Variants in ZNF530 observed in about 807,000 individuals in gnomAD.
ZNF530 encodes the protein zinc finger protein 530.
A neutral mutation model predicts 2.8 loss-of-function variants in ZNF530; 5 were observed. The ratio of observed to expected loss-of-function variants is 1.80; its 90% CI spans 0.94 to 3.78. The LOEUF (loss-of-function observed/expected upper bound fraction) is 3.78, where lower values mean the gene tolerates loss of function less well. Ranked by LOEUF, ZNF530 falls within the 30% of genes most tolerant of loss-of-function variation. The pLI is 0.00. For synonymous variants in ZNF530, 229 were observed against 235.0 expected, an observed-to-expected ratio of 0.97 and a Z score of 0.23; for missense variants, 619 against 673.3, an observed-to-expected ratio of 0.92 and a Z score of 0.89.
chr19:57,606,372 A>C lies in ZNF530; in HGVS notation c.748A>C (p.Thr250Pro). 6.2e-7 allele frequency: 1 copy of C among 1,614,196 alleles called. No individual in the cohort carries two copies. The highest frequency in any genetic ancestry group is 8.5e-7 in the Non-Finnish European group (1 of 1,180,030). ...GKSFSRKTHL[T>P]QHQRVHTGER... Reference sequence around the variant, plus strand: ...ATCATTTAGTCGCAAAACTCACCTAACTCAACACCAAAGAGTTCACACTGG... The same window carrying C: ...ATCATTTAGTCGCAAAACTCACCTACCTCAACACCAAAGAGTTCACACTGG... The change falls in exon 4 of 4, where the codon ACT becomes CCT. Residue 250 changes from threonine to proline, a missense_variant. Coordinates refer to ENST00000597700, the MANE Select transcript of ZNF530 (RefSeq NM_001321981.2).
Position 57,607,333 on chromosome 19 carries a change from A to G in ZNF530, c.*8A>G. ...AGAGTTCATGTGCAGTGAATGTGGG[A>G]AATTATTTTGTCACTTTTTTTTTTT... On this transcript the variant is annotated 3_prime_UTR_variant, in exon 4 of 4. Coordinates refer to ENST00000597700, the MANE Select transcript of ZNF530 (RefSeq NM_001321981.2). 6.4e-7 allele frequency: 1 copy of G among 1,556,740 alleles called. No individual in the cohort carries two copies. Among genetic ancestry groups the G allele is most frequent in the Non-Finnish European group, 8.6e-7 (1 of 1,157,836 alleles).
chr19:57,606,751 G>A lies in ZNF530; in HGVS notation c.1127G>A (p.Cys376Tyr). 1 of 1,613,952 alleles carries A rather than the reference G, an allele frequency of 6.2e-7. No individual in the cohort carries two copies. The highest frequency in any genetic ancestry group is 1.3e-5 in the African/African-American group (1 of 74,930). The change falls in exon 4 of 4, where the codon TGC (cysteine) becomes TAC (tyrosine). Residue 376 changes from cysteine (C) to tyrosine (Y), a missense_variant. Cys to Tyr is a radical substitution (Grantham distance 194). Coordinates refer to ENST00000597700, the MANE Select transcript of ZNF530 (RefSeq NM_001321981.2). Reference sequence around the variant, plus strand: ...CACACTGGAGAAAGACCTTATGTGTGCAGTGAATGTGGGAAATCATTTGGC... The same window carrying A: ...CACACTGGAGAAAGACCTTATGTGTACAGTGAATGTGGGAAATCATTTGGC... Reference protein sequence around the residue: ...RFHTGERPYVCSECGKSFGQK... With the variant: ...RFHTGERPYVYSECGKSFGQK...
intron 2 of ZNF530, among the ~76,000 whole-genome samples, chr19:57,601,441 A>C (rs1431011842): frequency 6.6e-6 from 1 of 152,218 alleles, no homozygotes; most frequent in African/African-American, 2.4e-5. Flanking sequence ...GAAGCATAGA[A>C]GCTCCATCTA....
Position 57,607,205 on chromosome 19 carries a change from T to C in ZNF530, c.1581T>C (p.Asn527=), listed in dbSNP as rs149506794. 1 of 1,613,926 alleles carries C rather than the reference T, an allele frequency of 6.2e-7. No individual in the cohort carries two copies. Among genetic ancestry groups the C allele is most frequent in the Non-Finnish European group, 8.5e-7 (1 of 1,180,004 alleles). The change falls in exon 4 of 4, where the codon AAT becomes AAC. Residue 527 remains asparagine (N), a synonymous_variant. Coordinates refer to ENST00000597700, the MANE Select transcript of ZNF530 (RefSeq NM_001321981.2). ...RECGKSFTRK[N]HLIQHKTVHT... Reference sequence around the variant, plus strand: ...GTGGGAAATCTTTTACCCGCAAAAATCACCTCATTCAACACAAGACAGTTC... The same window carrying C: ...GTGGGAAATCTTTTACCCGCAAAAACCACCTCATTCAACACAAGACAGTTC...
downstream of ZNF530, among the ~76,000 whole-genome samples, chr19:57,612,079 C>A (rs1980897066): frequency 6.6e-6 from 1 of 152,212 alleles, no homozygotes; most frequent in Non-Finnish European, 1.5e-5. Context: ...CTGTACTTCC[C>A]ATTTCTAGGG....
Position 57,600,045 on chromosome 19 carries a change from C to A in ZNF530, c.-211C>A, listed in dbSNP as rs1182927301. The A allele has an allele frequency of 1.3e-6, 2 of 1,489,868 alleles. No individual in the cohort carries two copies. Among genetic ancestry groups the A allele is most frequent in the South Asian group, 1.3e-5 (1 of 78,798 alleles). The allele number at this position is 1,489,868 out of a possible 1,614,324, so 92.3% of individuals were successfully genotyped here. On this transcript the variant is annotated 5_prime_UTR_variant, in exon 1 of 4. Coordinates refer to ENST00000597700, the MANE Select transcript of ZNF530 (RefSeq NM_001321981.2). ...TGACGGTCGCCGGCGGTGGTGACAG[C>A]TTTGCTCTTGTCTCCGCCCGGATCG...
In ZNF530 at chr19:57,599,948, C is replaced by G. The variant is rs530991711; in HGVS notation, c.-308C>G. Reference sequence around the variant, plus strand: ...TTGTGTCAGTTCCATCCGCGGGTGCCGGATCTGGACCTAGGTGCTGACAGC... The same window carrying G: ...TTGTGTCAGTTCCATCCGCGGGTGCGGGATCTGGACCTAGGTGCTGACAGC... On this transcript the variant is annotated 5_prime_UTR_variant, in exon 1 of 4. Coordinates refer to ENST00000597700, the MANE Select transcript of ZNF530 (RefSeq NM_001321981.2). 1 of 801,062 alleles carries G rather than the reference C, an allele frequency of 1.2e-6. No individual in the cohort carries two copies. The highest frequency in any genetic ancestry group is 1.7e-5 in the African/African-American group (1 of 57,392). 49.6% of individuals were successfully genotyped at this position (801,062 alleles called of 1,614,324 possible). A position where few individuals can be genotyped will look rare whatever the true frequency, so the allele number is the denominator to read the frequency against.
intron 3 of ZNF530, chr19:57,604,783 T>C (rs1980416384): frequency 5.4e-6 from 1 of 183,802 alleles, no homozygotes; most frequent in East Asian, 1.7e-4. Context: ...TGTTAACTAC[T>C]TAACTGGTCC....
downstream of ZNF530, chr19:57,612,431 T>C (rs796386402): frequency 7.0e-5 from 28 of 400,364 alleles, 1 homozygote; most frequent in African/African-American, 5.5e-4. Context: ...ATAAGCATAA[T>C]ACTACAGCAT....
In ZNF530 at chr19:57,608,600, GC is replaced by G. The variant is rs1980720986; in HGVS notation, c.*1278del. 6.6e-6 allele frequency: 1 copy of G among 152,094 alleles called. No homozygotes were observed. The highest frequency in any genetic ancestry group is 2.4e-5 in the African/African-American group (1 of 41,396). 9.4% of individuals were successfully genotyped at this position (152,094 alleles called of 1,614,324 possible). On this transcript the variant is annotated 3_prime_UTR_variant, in exon 4 of 4. Coordinates refer to ENST00000597700, the MANE Select transcript of ZNF530 (RefSeq NM_001321981.2). The stretch of plus-strand genomic sequence containing the variant: ...TTGTTGAGTGAGGATATCACATAAT[GC>G]CCTGCAATGTTTAGAATCCCTTAAT...
At chr19:57,603,610 G>A (rs369436702) in intron 2 of ZNF530, among the ~76,000 whole-genome samples, 7 of 152,326 alleles carry the variant, frequency 4.6e-5, no homozygotes, top group Admixed American at 2.6e-4. Context: ...TGCAGTTACT[G>A]TTTAGTGCAG....
intron 3 of ZNF530, 125 bp downstream of exon 3, chr19:57,604,531 A>G: frequency 1.5e-6 from 2 of 1,349,040 alleles, no homozygotes; most frequent in Non-Finnish European, 2.0e-6. Flanking sequence ...TTCTTGGCAT[A>G]TGTATTCTGA....
Position 57,604,297 on chromosome 19 carries a change from G to A in ZNF530, c.-49G>A. The A allele has an allele frequency of 6.2e-7, 1 of 1,614,142 alleles. No individual in the cohort carries two copies. Among genetic ancestry groups the A allele is most frequent in the Non-Finnish European group, 8.5e-7 (1 of 1,180,010 alleles). On this transcript the variant is annotated 5_prime_UTR_variant, in exon 3 of 4. Transcript: ENST00000597700. ...CATAGCAGGTTTTTGTAGCCTTTGA[G>A]GATGTGGCCATTTACTTCTCCCAGG...
chr19:57,610,046 A>C lies in ZNF530; in HGVS notation c.*2721A>C, dbSNP rs1980812580. 6.6e-6 allele frequency among the ~76,000 whole-genome samples: 1 copy of C among 152,234 alleles called. No individual in the cohort carries two copies. The highest frequency in any genetic ancestry group is 1.5e-5 in the Non-Finnish European group (1 of 68,046). ...CCAAGATTGTTATTGCATCCATTAA[A>C]AAAAAATCAAGTTATAATTGATGTG... On this transcript the variant is annotated 3_prime_UTR_variant, in exon 4 of 4. Coordinates refer to ENST00000597700, the MANE Select transcript of ZNF530 (RefSeq NM_001321981.2).
At chr19:57,600,457 C>A (rs1980178080) in intron 1 of ZNF530, among the ~76,000 whole-genome samples, 1 of 152,234 alleles carries the variant, frequency 6.6e-6, no homozygotes, top group African/African-American at 2.4e-5. Flanking sequence ...GCGCGTAGGA[C>A]AGAAGAGGGG....
chr19:57,611,103 C>T (rs1414516440), downstream of ZNF530, among the ~76,000 whole-genome samples: 1 of 152,218 alleles, frequency 6.6e-6, no homozygotes, highest in Admixed American at 6.5e-5. Flanking sequence ...CAAGCCAATA[C>T]TTTCCCTGCA....
chr19:57,605,592 A>G, intron 3 of ZNF530, 94 bp from the exon 4 acceptor site: 1 of 1,323,630 alleles, frequency 7.6e-7, no homozygotes, highest in African/African-American at 1.5e-5. Flanking sequence ...TATCCTAAAA[A>G]CATTTTCTTA....
At chr19:57,603,226 G>GC (rs1980332948) in intron 2 of ZNF530, among the ~76,000 whole-genome samples, 7 of 152,176 alleles carry the variant, frequency 4.6e-5, no homozygotes, top group Admixed American at 4.6e-4. Context: ...ATTCACTATT[G>GC]CGAGAACAGC....
At chr19:57,604,477 G>C (rs1022336797) in intron 3 of ZNF530, 71 bp downstream of exon 3, 7 of 1,551,038 alleles carry the variant, frequency 4.5e-6, no homozygotes, top group African/African-American at 1.4e-5. Context: ...AGGCAGCTCT[G>C]TCCTTTCTTC....
Sources: allele counts gnomAD v4.1 joint callset (sites outside exome capture counted in the v4.1 genomes callset), GRCh38; gene constraint gnomAD v4.1.1; transcripts MANE v1.5; gene names NCBI Gene and HGNC (gene_info 2026-07-23, HGNC 2026-07-21).